DPP10: variants seen among roughly 807,000 people sequenced by gnomAD.
DPP10 encodes inactive dipeptidyl peptidase 10.
Under a neutral mutation model 120.9 loss-of-function variants are expected in DPP10, and 33 were observed. The ratio of observed to expected loss-of-function variants is 0.27; its 90% confidence interval spans 0.21 to 0.37. The LOEUF is 0.37. Among genes scored for constraint, DPP10 ranks in the 10% least tolerant of loss-of-function variants. The pLI is 1.00. For synonymous variants in DPP10, 337 were observed against 326.1 expected (o/e 1.03, Z -0.36); for missense variants, 816 against 942.8 (o/e 0.87, Z 1.76).
intron 1 of DPP10, among the ~76,000 whole-genome samples, chr2:114,662,739 C>A (rs1057393089): frequency 3.3e-5 from 5 of 152,108 alleles, no homozygotes; most frequent in African/African-American, 9.7e-5. Context: ...CGCTTTGGCT[C>A]CTGGGGTTCT....
chr2:115,761,409 A>C (rs183112824), intron 11 of DPP10, among the ~76,000 whole-genome samples: 2 of 152,168 alleles, frequency 1.3e-5, no homozygotes, highest in Non-Finnish European at 2.9e-5. Flanking sequence ...CTATCATACT[A>C]TTGATCTGAC....
chr2:114,629,698 A>G (rs919247936), intron 1 of DPP10, among the ~76,000 whole-genome samples: 1 of 152,194 alleles, frequency 6.6e-6, no homozygotes, highest in African/African-American at 2.4e-5. Flanking sequence ...CAGCCACTCT[A>G]AAGAAAGATT....
chr2:114,950,177 T>G (rs1267334009), intron 1 of DPP10, among the ~76,000 whole-genome samples: 1 of 152,120 alleles, frequency 6.6e-6, no homozygotes, highest in African/African-American at 2.4e-5. Context: ...ACTCAGACAA[T>G]GTATTTCAGT....
intron 1 of DPP10, among the ~76,000 whole-genome samples, chr2:115,189,024 CAT>C (rs1255979961): frequency 6.6e-6 from 1 of 152,170 alleles, no homozygotes; most frequent in African/African-American, 2.4e-5. Flanking sequence ...TGTATACACA[CAT>C]ATGTACAAAT....
intron 19 of DPP10, among the ~76,000 whole-genome samples, chr2:115,804,010 A>G (rs1685598891): frequency 6.6e-6 from 1 of 152,086 alleles, no homozygotes; most frequent in South Asian, 2.1e-4. Context: ...CTCCTGGATA[A>G]TATCCTGCAG....
intron 1 of DPP10, among the ~76,000 whole-genome samples, chr2:114,452,751 C>T (rs1320006978): frequency 6.6e-6 from 1 of 152,066 alleles, no homozygotes; most frequent in Non-Finnish European, 1.5e-5. Context: ...CTTAGTAGAA[C>T]ACCTCCAGGG....
intron 3 of DPP10, among the ~76,000 whole-genome samples, chr2:115,469,884 G>GAAAAAAAAAA (rs1212190142): frequency 6.6e-5 from 5 of 75,524 alleles, no homozygotes; most frequent in Non-Finnish European, 8.4e-5. Flanking sequence ...GGCAACAAGA[G>GAAAAAAAAAA]AAAAAAAAAA....
chr2:114,683,932 A>T (rs908965581), intron 1 of DPP10, among the ~76,000 whole-genome samples: 4 of 151,994 alleles, frequency 2.6e-5, no homozygotes, highest in Non-Finnish European at 5.9e-5. Context: ...AGACATGGCC[A>T]TTTCCACATG....
intron 1 of DPP10, among the ~76,000 whole-genome samples, chr2:114,817,015 G>C (rs1685690971): frequency 1.3e-5 from 2 of 152,184 alleles, no homozygotes; most frequent in Admixed American, 6.5e-5. Context: ...ACTGATAACA[G>C]TAAAAATCAA....
chr2:115,198,927 A>G (rs756644002), intron 1 of DPP10, among the ~76,000 whole-genome samples: 23 of 152,116 alleles, frequency 1.5e-4, no homozygotes, highest in Non-Finnish European at 2.2e-4. Flanking sequence ...CTTTTCTTCT[A>G]ATTCTTTGCC....
chr2:114,911,057 G>A (rs1558870825), intron 1 of DPP10, among the ~76,000 whole-genome samples: 2 of 152,236 alleles, frequency 1.3e-5, no homozygotes, highest in South Asian at 2.1e-4. Flanking sequence ...CAAGACACCA[G>A]TGCAGTCTCT....
intron 7 of DPP10, among the ~76,000 whole-genome samples, chr2:115,702,482 A>G (rs754826146): frequency 6.6e-6 from 1 of 152,114 alleles, no homozygotes; most frequent in Non-Finnish European, 1.5e-5. Context: ...GGTATATTCA[A>G]ACAATGAAAT....
chr2:115,392,714 G>C (rs964018331), intron 3 of DPP10, among the ~76,000 whole-genome samples: 7 of 152,088 alleles, frequency 4.6e-5, no homozygotes, highest in African/African-American at 1.7e-4. Context: ...TTCAGTGTCT[G>C]TGATTTAAAT....
chr2:115,657,690 C>T (rs1047655284), intron 5 of DPP10, among the ~76,000 whole-genome samples: 2 of 151,640 alleles, frequency 1.3e-5, no homozygotes, highest in African/African-American at 4.8e-5. Flanking sequence ...TTTGAGCAAC[C>T]TAAATGCGTG....
At chr2:114,621,720 C>A (rs1221660227) in intron 1 of DPP10, among the ~76,000 whole-genome samples, 5 of 151,850 alleles carry the variant, frequency 3.3e-5, no homozygotes, top group Non-Finnish European at 7.4e-5. Context: ...CTCCTCCTCT[C>A]TAAATAAATA....
intron 1 of DPP10, among the ~76,000 whole-genome samples, chr2:115,306,465 C>T (rs1230918467): frequency 6.6e-6 from 1 of 151,992 alleles, no homozygotes; most frequent in Non-Finnish European, 1.5e-5. Context: ...GAAACGGGAG[C>T]GTGGATACAG....
chr2:115,740,095 T>C (rs1289621774), intron 9 of DPP10, among the ~76,000 whole-genome samples: 1 of 152,134 alleles, frequency 6.6e-6, no homozygotes, highest in East Asian at 1.9e-4. Flanking sequence ...TGAAAGTGTG[T>C]GAACTTTCAC....
intron 1 of DPP10, among the ~76,000 whole-genome samples, chr2:114,601,414 G>C (rs1479305743): frequency 6.6e-6 from 1 of 151,918 alleles, no homozygotes; most frequent in African/African-American, 2.4e-5. Flanking sequence ...TGAGAATGGA[G>C]ATAGAGTTAT....
At chr2:115,652,373 T>C in intron 5 of DPP10, among the ~76,000 whole-genome samples, 1 of 151,246 alleles carries the variant, frequency 6.6e-6, no homozygotes, top group Non-Finnish European at 1.5e-5. Flanking sequence ...TGTATTAGTC[T>C]GGATTCTCCA....
Sources: allele counts gnomAD v4.1 joint callset (sites outside exome capture counted in the v4.1 genomes callset), GRCh38; gene constraint gnomAD v4.1.1; transcripts MANE v1.5; gene names NCBI Gene and HGNC (gene_info 2026-07-23, HGNC 2026-07-21).